Variants in ZNF420 observed in about 807,000 individuals in gnomAD.
ZNF420 encodes ATM and p53-associated KZNF protein.
A neutral mutation model predicts 44.7 loss-of-function variants in ZNF420; 31 were observed. The observed-to-expected ratio is 0.69, with a 90% CI of 0.52 to 0.94. The LOEUF is 0.94. ZNF420 is among the 40% of genes least tolerant of loss of function. The pLI is 0.00. For missense variants in ZNF420, 681 were observed against 827.9 expected, an observed-to-expected ratio of 0.82 and a Z score of 2.18; for synonymous variants, 245 against 267.4, an observed-to-expected ratio of 0.92 and a Z score of 0.82.
At chr19:37,045,376 G>T (rs1200269360) in intron 1 of ZNF420, among the ~76,000 whole-genome samples, 1 of 152,150 alleles carries the variant, frequency 6.6e-6, no homozygotes, top group African/African-American at 2.4e-5. Flanking sequence ...TAAACGTTTT[G>T]TTATTTGTTT....
chr19:37,011,569 C>CTT (rs2074569347), intron 1 of ZNF420, among the ~76,000 whole-genome samples: 1 of 152,122 alleles, frequency 6.6e-6, no homozygotes, highest in African/African-American at 2.4e-5. Flanking sequence ...GTGAAGTGAA[C>CTT]TTTGCAGAAA....
chr19:37,117,786 A>G (rs1397726308), intron 4 of ZNF420, among the ~76,000 whole-genome samples: 2 of 152,248 alleles, frequency 1.3e-5, no homozygotes, highest in African/African-American at 2.4e-5. Context: ...AAAGGAGCTG[A>G]TGGAGCTGAA....
chr19:37,117,410 C>T (rs1260145173), intron 4 of ZNF420, among the ~76,000 whole-genome samples: 2 of 152,216 alleles, frequency 1.3e-5, no homozygotes, highest in East Asian at 3.9e-4. Context: ...AGGCGAGGCT[C>T]CTGTCTGTTA....
At chr19:37,033,966 AG>A (rs1967308186) in intron 1 of ZNF420, among the ~76,000 whole-genome samples, 1 of 152,038 alleles carries the variant, frequency 6.6e-6, no homozygotes, top group Admixed American at 6.5e-5. Context: ...CATGTTGTTC[AG>A]GCTGATCTTG....
rs1456257096 is a variant in ZNF420 at position 37,113,238 on chromosome 19, CTTGTAGTAGT to C, written c.137-13886_137-13877del. Reference sequence around the variant, plus strand: ...TAAGTCAGGTGGCTCTTTATCTGTTCTTGTAGTAGTTTGAATAGTTATATTTTGTTTATTT... The same window carrying C: ...TAAGTCAGGTGGCTCTTTATCTGTTCTTGAATAGTTATATTTTGTTTATTT... On this transcript the variant is annotated intron_variant, in intron 4 of 4. Transcript: ENST00000337995. Among the ~76,000 whole-genome samples, 80 of 152,104 alleles carry C rather than the reference CTTGTAGTAGT, an allele frequency of 5.3e-4. 1 individual carries two copies. Among genetic ancestry groups the C allele is most frequent in the Non-Finnish European group, 1.0e-4 (7 of 68,024 alleles).
chr19:37,125,866 C>T (rs942331912), intron 4 of ZNF420, among the ~76,000 whole-genome samples: 21 of 152,184 alleles, frequency 1.4e-4, no homozygotes, highest in African/African-American at 5.1e-4. Context: ...ACTGTTTCTC[C>T]TTTATTCCTC....
chr19:37,046,459 T>C (rs1421132273), intron 1 of ZNF420, among the ~76,000 whole-genome samples: 1 of 152,204 alleles, frequency 6.6e-6, no homozygotes, highest in East Asian at 1.9e-4. Context: ...GGTACATTAA[T>C]AGGAGAATGG....
intron 4 of ZNF420, among the ~76,000 whole-genome samples, chr19:37,106,318 T>TATTG (rs1970081650): frequency 6.6e-6 from 1 of 152,206 alleles, no homozygotes; most frequent in South Asian, 2.1e-4. Flanking sequence ...GGATTACATT[T>TATTG]ATTGATTTGC....
chr19:37,028,177 T>C (rs150162339), intron 1 of ZNF420, among the ~76,000 whole-genome samples: 2,116 of 152,282 alleles, frequency 0.014, 22 homozygotes, highest in African/African-American at 0.025. Flanking sequence ...TAGTGACATA[T>C]GGTGTTGAGC....
At chr19:37,083,053 G>T (rs1271675368) in intron 2 of ZNF420, among the ~76,000 whole-genome samples, 1 of 149,532 alleles carries the variant, frequency 6.7e-6, no homozygotes, top group Non-Finnish European at 1.5e-5. Flanking sequence ...TAGAGACAGG[G>T]TTTCACCATG....
At chr19:37,070,383 A>C (rs553631064) in intron 1 of ZNF420, among the ~76,000 whole-genome samples, 78 of 152,298 alleles carry the variant, frequency 5.1e-4, no homozygotes, top group African/African-American at 1.8e-3. Flanking sequence ...GATTTCTTAA[A>C]ATGCAAGAAA....
intron 4 of ZNF420, among the ~76,000 whole-genome samples, chr19:37,118,965 T>C (rs1970858988): frequency 6.6e-6 from 1 of 152,158 alleles, no homozygotes; most frequent in Non-Finnish European, 1.5e-5. Flanking sequence ...CCCAGATTCA[T>C]AAAGCAAGTC....
intron 4 of ZNF420, among the ~76,000 whole-genome samples, chr19:37,100,518 G>A (rs1463929301): frequency 6.6e-6 from 1 of 152,080 alleles, no homozygotes; most frequent in Non-Finnish European, 1.5e-5. Flanking sequence ...TTTGAGACCA[G>A]CCTGGCCAAC....
intron 4 of ZNF420, among the ~76,000 whole-genome samples, chr19:37,123,771 T>TTGTGTGTGTGTGTGTG (rs535419705): frequency 6.6e-5 from 10 of 151,244 alleles, no homozygotes; most frequent in South Asian, 4.2e-4. Flanking sequence ...CCCAGCTAAT[T>TTGTGTGTGTGTGTGTG]TGTGTGTGTG....
chr19:37,118,437 G>C (rs12978324), intron 4 of ZNF420, among the ~76,000 whole-genome samples: 2,907 of 152,098 alleles, frequency 0.019, 77 homozygotes, highest in East Asian at 0.049. Context: ...TTTGTCACCA[G>C]CAGGCCTGCC....
chr19:37,052,377 G>T (rs888256622), intron 1 of ZNF420, among the ~76,000 whole-genome samples: 1 of 151,814 alleles, frequency 6.6e-6, no homozygotes, highest in African/African-American at 2.4e-5. Flanking sequence ...GGTTAATATT[G>T]TTATGGGTGA....
intron 4 of ZNF420, among the ~76,000 whole-genome samples, chr19:37,126,857 G>T (rs1217913431): frequency 1.3e-5 from 2 of 152,050 alleles, no homozygotes; most frequent in Non-Finnish European, 2.9e-5. Flanking sequence ...AATCAGTGTA[G>T]TGGGGTTTGT....
chr19:37,046,037 A>G (rs1366203700), intron 1 of ZNF420, among the ~76,000 whole-genome samples: 2 of 152,194 alleles, frequency 1.3e-5, no homozygotes, highest in East Asian at 1.9e-4. Context: ...CTTATTCACT[A>G]TCATGAGAAT....
At chr19:37,086,666 G>A (rs569606998) in intron 2 of ZNF420, among the ~76,000 whole-genome samples, 8 of 152,030 alleles carry the variant, frequency 5.3e-5, no homozygotes, top group East Asian at 1.9e-4. Context: ...AAGCTTTGTT[G>A]TTAAATCTCT....
Sources: allele counts gnomAD v4.1 joint callset (sites outside exome capture counted in the v4.1 genomes callset), GRCh38; gene constraint gnomAD v4.1.1; transcripts MANE v1.5; gene names NCBI Gene and HGNC (gene_info 2026-07-23, HGNC 2026-07-21).